The following PIGF variants were observed in gnomAD, a reference collection of about 807,000 sequenced individuals.
The protein encoded by PIGF is phosphatidylinositol glycan anchor biosynthesis class F.
PIGF carries 23 observed loss-of-function variants against 26.0 expected under a neutral mutation model. The ratio of observed to expected loss-of-function variants is 0.88; its 90% CI spans 0.64 to 1.25. The LOEUF is 1.25. PIGF is among the 50% of genes most tolerant of loss of function. The pLI, the probability that PIGF is intolerant of heterozygous loss-of-function variation, is 0.00. For missense variants in PIGF, 278 were observed against 249.9 expected (o/e 1.11, Z -0.76); for synonymous variants, 93 against 92.6 (o/e 1.00, Z -0.03).
At chr2:46,608,872 T>C (rs867636060) in intron 4 of PIGF, among the ~76,000 whole-genome samples, 3 of 152,172 alleles carry the variant, frequency 2.0e-5, no homozygotes, top group African/African-American at 2.4e-5. Context: ...CGTTGTTCCA[T>C]TGACAGTATA....
chr2:46,611,440 T>C (rs1410280762), intron 4 of PIGF, among the ~76,000 whole-genome samples: 1 of 150,060 alleles, frequency 6.7e-6, no homozygotes, highest in Non-Finnish European at 1.5e-5. Context: ...GCCGAAATCA[T>C]GCCACTGCAC....
chr2:46,602,240 C>T (rs1670082493), intron 4 of PIGF, among the ~76,000 whole-genome samples: 2 of 151,754 alleles, frequency 1.3e-5, no homozygotes, highest in African/African-American at 4.8e-5. Flanking sequence ...AAGGAGAAAT[C>T]CTGTTAAAAT....
intron 4 of PIGF, among the ~76,000 whole-genome samples, chr2:46,602,822 A>C (rs565060180): frequency 6.6e-6 from 1 of 151,994 alleles, no homozygotes; most frequent in Non-Finnish European, 1.5e-5. Flanking sequence ...ATAATAATAG[A>C]ATTCTTTGAA....
chr2:46,591,912 C>G (rs766935968), intron 5 of PIGF: 1 of 1,303,874 alleles, frequency 7.7e-7, no homozygotes, highest in South Asian at 1.2e-5. Context: ...CAAAAATTAC[C>G]TTGCTATCTG....
In PIGF at chr2:46,595,062, C is replaced by A. The variant is rs527323639; in HGVS notation, c.438-2479G>T. 5.3e-5 allele frequency among the ~76,000 whole-genome samples: 8 copies of A among 152,040 alleles called. No homozygotes were observed. The East Asian group carries it at 1.4e-3, about 26-fold the overall frequency. On this transcript the variant is annotated intron_variant, in intron 4 of 5. Coordinates refer to ENST00000281382, the MANE Select transcript of PIGF (RefSeq NM_002643.4). ...ACCATTTTGGTCAGGCTGGTCTCCA[C>A]AGTTAGGATTTTTAAAAATAGCTTT... is the stretch of plus-strand genomic sequence containing the variant.
chr2:46,583,353 C>A (rs1297954739), intron 5 of PIGF, among the ~76,000 whole-genome samples: 1 of 152,136 alleles, frequency 6.6e-6, no homozygotes, highest in Non-Finnish European at 1.5e-5. Context: ...TCCAACGTCT[C>A]TCCCATTTAT....
In PIGF at chr2:46,616,967, T is replaced by C. The variant is rs1467925892; in HGVS notation, c.-22+3A>G. 1.9e-6 allele frequency: 1 copy of C among 521,726 alleles called. No individual in the cohort carries two copies. The highest frequency in any genetic ancestry group is 2.0e-5 in the African/African-American group (1 of 51,032). The allele number at this position is 521,726 out of a possible 1,614,324, so 32.3% of individuals were successfully genotyped here. On this transcript the variant is annotated splice_donor_region_variant and intron_variant, in intron 1 of 5. Coordinates refer to ENST00000281382, the MANE Select transcript of PIGF (RefSeq NM_002643.4). ...GACGCCGAGGGCGTCCAGCGGGGCT[T>C]ACCTAACTCTCCCTCCCGCGGAAGG... is the stretch of plus-strand genomic sequence containing the variant.
rs1226061339 is a variant in PIGF at position 46,608,529 on chromosome 2, C to T, written c.437+3699G>A. ...GGCATCCATCTAGAATGGTCCTTTC[C>T]AGAAGGTTTTCAATTTACTTTTTCC... On this transcript the variant is annotated intron_variant, in intron 4 of 5. Coordinates refer to ENST00000281382, the MANE Select transcript of PIGF (RefSeq NM_002643.4). Among the ~76,000 whole-genome samples the T allele has an allele frequency of 2.0e-5, 3 of 152,166 alleles. No individual in the cohort carries two copies. The East Asian group carries it at 5.8e-4, about 29-fold the overall frequency.
intron 4 of PIGF, among the ~76,000 whole-genome samples, chr2:46,607,731 A>C (rs954420696): frequency 3.3e-5 from 5 of 151,456 alleles, no homozygotes; most frequent in Admixed American, 1.3e-4. Context: ...GTCTCGCTCT[A>C]TCGCCCAGGC....
intron 5 of PIGF, among the ~76,000 whole-genome samples, chr2:46,587,746 T>C (rs1373091257): frequency 2.0e-5 from 3 of 152,198 alleles, no homozygotes; most frequent in Non-Finnish European, 2.9e-5. Flanking sequence ...AATCATTGCA[T>C]ATTAGCTTTA....
chr2:46,608,271 C>T (rs1037190216), intron 4 of PIGF, among the ~76,000 whole-genome samples: 1 of 152,222 alleles, frequency 6.6e-6, no homozygotes, highest in African/African-American at 2.4e-5. Context: ...CATTTTCTTT[C>T]TCATCCAGAA....
At chr2:46,613,509 T>C (rs904320845) in intron 3 of PIGF, among the ~76,000 whole-genome samples, 185 bp downstream of exon 3, 1 of 152,194 alleles carries the variant, frequency 6.6e-6, no homozygotes, top group Admixed American at 6.5e-5. Context: ...AACAAGAGTA[T>C]TTAATAAATT....
rs542206801 is a variant in PIGF at position 46,596,170 on chromosome 2, T to C, written c.438-3587A>G. On this transcript the variant is annotated intron_variant, in intron 4 of 5. Coordinates refer to ENST00000281382, the MANE Select transcript of PIGF (RefSeq NM_002643.4). ...CGGAGGTTGTCGTGAGCCGAGACGA[T>C]GCCATTATACTCCAGCCTGGCGACA... is the stretch of plus-strand genomic sequence containing the variant. Among the ~76,000 whole-genome samples, 43 of 147,768 alleles carry C rather than the reference T, an allele frequency of 2.9e-4. No individual in the cohort carries two copies. In the South Asian group the frequency reaches 9.0e-3, roughly 31 times the overall value.
chr2:46,615,484 T>A (rs1470843257), intron 1 of PIGF: 1 of 192,454 alleles, frequency 5.2e-6, no homozygotes, highest in Non-Finnish European at 1.1e-5. Context: ...ATAAAGCAAT[T>A]CATTTAAACT....
intron 5 of PIGF, chr2:46,591,705 T>C (rs958833020): frequency 3.6e-6 from 4 of 1,096,948 alleles, no homozygotes; most frequent in Non-Finnish European, 4.6e-6. Flanking sequence ...AAGATAAAGA[T>C]ACAGTCATCA....
intron 4 of PIGF, among the ~76,000 whole-genome samples, chr2:46,610,323 C>T (rs965142431): frequency 2.0e-5 from 3 of 152,124 alleles, no homozygotes; most frequent in East Asian, 1.9e-4. Flanking sequence ...GACTTGAAAA[C>T]TGGAGAAATC....
At chr2:46,614,443 AAGTGAATATCTACTGC>A in intron 2 of PIGF, 1 of 155,204 alleles carries the variant, frequency 6.4e-6, no homozygotes, top group Non-Finnish European at 1.4e-5. Flanking sequence ...AGTAATAGCC[AAGTGAATATCTACTGC>A]AGTGAATATT....
intron 4 of PIGF, among the ~76,000 whole-genome samples, chr2:46,602,296 T>C (rs964039585): frequency 2.0e-5 from 3 of 151,958 alleles, no homozygotes; most frequent in Non-Finnish European, 2.9e-5. Flanking sequence ...TCAGAATTGA[T>C]CCTTAACTTG....
intron 4 of PIGF, among the ~76,000 whole-genome samples, chr2:46,607,550 A>T (rs947253028): frequency 2.0e-5 from 3 of 152,342 alleles, no homozygotes; most frequent in Non-Finnish European, 2.9e-5. Context: ...AATGCACATG[A>T]TTTAAAAATA....
Sources: gnomAD v4.1 joint callset for allele counts (sites outside exome capture counted in the v4.1 genomes callset) on GRCh38, gnomAD v4.1.1 for gene constraint, MANE v1.5 for transcripts, NCBI Gene and HGNC (gene_info 2026-07-23, HGNC 2026-07-21) for gene names.